Variants in FARP1 observed in about 807,000 individuals in gnomAD.
The protein encoded by FARP1 is FERM, ARHGEF and pleckstrin domain-containing protein 1.
Under a neutral mutation model 128.8 loss-of-function variants are expected in FARP1, and 52 were observed. The ratio of observed to expected loss-of-function variants is 0.40; its 90% CI spans 0.32 to 0.51. The LOEUF (loss-of-function observed/expected upper bound fraction) is 0.51. Among genes scored for constraint, FARP1 ranks in the 20% least tolerant of loss-of-function variants. The probability of loss-of-function intolerance (pLI) is 0.45; values close to 1 mark genes in which losing one functional copy is unlikely to be tolerated. For synonymous variants in FARP1, 580 were observed against 551.8 expected (o/e 1.05, Z -0.72); for missense variants, 1,333 against 1,367.9 (o/e 0.97, Z 0.40).
chr13:98,194,999 T>G (rs1044456367), intron 1 of FARP1, among the ~76,000 whole-genome samples: 6 of 152,242 alleles, frequency 3.9e-5, no homozygotes, highest in African/African-American at 1.4e-4. Context: ...AAGTAAAGCT[T>G]TCTTCTTCAG....
chr13:98,396,580 A>G (rs1890559559), intron 13 of FARP1: 7 of 398,620 alleles, frequency 1.8e-5, no homozygotes, highest in Non-Finnish European at 2.7e-5. Context: ...TGACTCATTC[A>G]TTTGTAGTCT....
At chr13:98,210,635 C>A (rs925094703) in intron 1 of FARP1, among the ~76,000 whole-genome samples, 38 of 151,982 alleles carry the variant, frequency 2.5e-4, no homozygotes, top group Non-Finnish European at 3.4e-4. Context: ...CTGCAACCTC[C>A]GCCTTCCGGG....
At chr13:98,231,593 A>C (rs1950844783) in intron 2 of FARP1, among the ~76,000 whole-genome samples, 1 of 151,950 alleles carries the variant, frequency 6.6e-6, no homozygotes, top group Admixed American at 6.6e-5. Flanking sequence ...GCCTGCCGCC[A>C]TGCCCGGCTA....
intron 26 of FARP1, chr13:98,447,129 A>G: frequency 3.2e-6 from 1 of 308,152 alleles, no homozygotes; most frequent in African/African-American, 2.1e-5. Flanking sequence ...ACATGGTGTA[A>G]TGGCAGGGAC....
At chr13:98,301,975 T>C (rs1411410225) in intron 2 of FARP1, among the ~76,000 whole-genome samples, 17 of 140,492 alleles carry the variant, frequency 1.2e-4, no homozygotes, top group African/African-American at 2.9e-4. Flanking sequence ...ATTTTTTTTT[T>C]CCCCTAAGGA....
At chr13:98,184,151 CTT>C (rs562712445) in intron 1 of FARP1, among the ~76,000 whole-genome samples, 1 of 152,070 alleles carries the variant, frequency 6.6e-6, no homozygotes, top group Non-Finnish European at 1.5e-5. Context: ...AGTTTTCACT[CTT>C]GTTGCCCAGG....
chr13:98,176,046 C>T lies in FARP1; in HGVS notation c.-24+32554C>T, dbSNP rs1594231637. 6 of 952,358 alleles carry T rather than the reference C, an allele frequency of 6.3e-6. No individual in the cohort carries two copies. The East Asian group carries it at 1.2e-4, about 19-fold the overall frequency. The allele number at this position is 952,358 out of a possible 1,614,324, so 59.0% of individuals were successfully genotyped here. On this transcript the variant is annotated intron_variant, in intron 1 of 26. Coordinates refer to ENST00000319562, the MANE Select transcript of FARP1 (RefSeq NM_005766.4). This position sits in a 1 kb window ranked among gnomAD's most constrained non-coding sequence, Gnocchi z 6.2. ...GGAGTGCACATACCTCTTTGAGATC[C>T]GGATTTCAATTCTTTTGGTTACATA...
chr13:98,222,495 C>G (rs1881472131), intron 2 of FARP1, among the ~76,000 whole-genome samples: 1 of 152,080 alleles, frequency 6.6e-6, no homozygotes, highest in African/African-American at 2.4e-5. Flanking sequence ...GAGTCCCAGC[C>G]CAGGACCACA....
rs555933542 is a variant in FARP1, at chr13:98,253,333, G to C, written c.171+39920G>C. On this transcript the variant is annotated intron_variant, in intron 2 of 26. Transcript: ENST00000319562. Reference sequence around the variant, plus strand: ...ATTGGTAATAAAAGTCTCAGTAGCTGCCGTTGACTGAGTGCTGTTGCAGAG... The same window carrying C: ...ATTGGTAATAAAAGTCTCAGTAGCTCCCGTTGACTGAGTGCTGTTGCAGAG... Among the ~76,000 whole-genome samples, 4 of 152,334 alleles carry C rather than the reference G, an allele frequency of 2.6e-5. No homozygotes were observed. In the South Asian group the frequency reaches 8.3e-4, roughly 32 times the overall value.
In FARP1 at chr13:98,450,863, T is replaced by G. The variant is rs1481825471; in HGVS notation, c.*2546T>G. ...ATGCCCTTAAAAACATTGGGGCTGA[T>G]TTTGTGCGTCTACAGAAAGTAACAG... On this transcript the variant is annotated 3_prime_UTR_variant, in exon 27 of 27. Transcript: ENST00000319562. 1 of 152,216 alleles carries G rather than the reference T, an allele frequency of 6.6e-6. No homozygotes were observed. The highest frequency in any genetic ancestry group is 1.5e-5 in the Non-Finnish European group (1 of 68,044). The allele number at this position is 152,216 out of a possible 1,614,324, so 9.4% of individuals were successfully genotyped here.
intron 17 of FARP1, among the ~76,000 whole-genome samples, chr13:98,427,091 T>C (rs1397777915): frequency 6.6e-6 from 1 of 152,046 alleles, no homozygotes; most frequent in Admixed American, 6.6e-5. Flanking sequence ...GTGTACATTC[T>C]CTGGGTGTTG....
intron 2 of FARP1, among the ~76,000 whole-genome samples, chr13:98,319,545 G>T (rs980768552): frequency 6.6e-6 from 1 of 152,156 alleles, no homozygotes; most frequent in African/African-American, 2.4e-5. Flanking sequence ...GTGTGAACCC[G>T]GGAGGCGGAG....
At chr13:98,273,820 G>A (rs1475744344) in intron 2 of FARP1, among the ~76,000 whole-genome samples, 2 of 152,322 alleles carry the variant, frequency 1.3e-5, no homozygotes, top group Non-Finnish European at 2.9e-5. Flanking sequence ...GAAGTTCAAG[G>A]TCACACAGTA....
intron 25 of FARP1, 195 bp downstream of exon 25, chr13:98,446,400 G>A: frequency 1.7e-6 from 1 of 601,682 alleles, no homozygotes; most frequent in Non-Finnish European, 3.0e-6. Flanking sequence ...ATCCACTGAA[G>A]GACAACTTCT....
chr13:98,153,726 G>A (rs904431631), intron 1 of FARP1, among the ~76,000 whole-genome samples: 2 of 151,290 alleles, frequency 1.3e-5, no homozygotes, highest in Non-Finnish European at 2.9e-5. Flanking sequence ...ACCACACCTG[G>A]TGAATTTTTG....
intron 24 of FARP1, among the ~76,000 whole-genome samples, chr13:98,444,519 G>A (rs1190769713): frequency 3.9e-5 from 6 of 152,222 alleles, no homozygotes; most frequent in African/African-American, 1.4e-4. Context: ...GGCCTCCTGA[G>A]TGCAGGGCAG....
Position 98,180,237 on chromosome 13 carries a change from C to T in FARP1, c.-23-32983C>T, listed in dbSNP as rs1042874287. Among the ~76,000 whole-genome samples the T allele has an allele frequency of 5.9e-5, 9 of 152,132 alleles. 1 individual carries two copies. Among genetic ancestry groups the T allele is most frequent in the East Asian group, 3.9e-4 (2 of 5,164 alleles). The stretch of plus-strand genomic sequence containing the variant: ...ACTTCCAGTTGATCACAGTGGAAGG[C>T]AAAGGGGGAGCAGGCTGTGTCACAT... On this transcript the variant is annotated intron_variant, in intron 1 of 26. Coordinates refer to ENST00000319562, the MANE Select transcript of FARP1 (RefSeq NM_005766.4).
At chr13:98,156,242 C>T (rs1943121096) in intron 1 of FARP1, among the ~76,000 whole-genome samples, 1 of 152,126 alleles carries the variant, frequency 6.6e-6, no homozygotes, top group South Asian at 2.1e-4. Context: ...TAAAAACATA[C>T]TCTCTGGCAA....
chr13:98,452,181 T>G lies in FARP1; in HGVS notation c.*3864T>G, dbSNP rs1893229634. On this transcript the variant is annotated 3_prime_UTR_variant, in exon 27 of 27. Coordinates refer to ENST00000319562, the MANE Select transcript of FARP1 (RefSeq NM_005766.4). ...AAATAAGCGTGTTATAAAATTTATTTGTGTAAGCATTCAGACATTTTTAGG... is the reference window on the plus strand; with the variant it reads ...AAATAAGCGTGTTATAAAATTTATTGGTGTAAGCATTCAGACATTTTTAGG... The G allele has an allele frequency of 6.6e-6, 1 of 152,184 alleles. No individual in the cohort carries two copies. The highest frequency in any genetic ancestry group is 2.4e-5 in the African/African-American group (1 of 41,454). The allele number at this position is 152,184 out of a possible 1,614,324, so 9.4% of individuals were successfully genotyped here. A position where few individuals can be genotyped will look rare whatever the true frequency, so the allele number is the denominator to read the frequency against.
Sources: allele counts gnomAD v4.1 joint callset (sites outside exome capture counted in the v4.1 genomes callset), GRCh38; gene constraint gnomAD v4.1.1; non-coding constraint Gnocchi (gnomAD v3.1); transcripts MANE v1.5; gene names NCBI Gene and HGNC (gene_info 2026-07-23, HGNC 2026-07-21).